Variants in CAPN8 observed in about 807,000 individuals in gnomAD.
CAPN8 encodes the protein calpain-8.
Under a neutral mutation model 80.9 loss-of-function variants are expected in CAPN8, and 87 were observed. That is an observed-to-expected ratio of 1.07 (90% CI 0.90 to 1.28). The LOEUF is 1.28. CAPN8 is among the 50% of genes most tolerant of loss of function. The pLI is 0.00. For synonymous variants in CAPN8, 299 were observed against 273.8 expected, an observed-to-expected ratio of 1.09 and a Z score of -0.91; for missense variants, 757 against 702.0, an observed-to-expected ratio of 1.08 and a Z score of -0.89.
chr1:223,650,814 A>G (rs1421407666), intron 2 of CAPN8, among the ~76,000 whole-genome samples: 2 of 152,200 alleles, frequency 1.3e-5, no homozygotes, highest in Non-Finnish European at 2.9e-5. Context: ...ATGACTTACT[A>G]TAAGGGGGTG....
intron 1 of CAPN8, among the ~76,000 whole-genome samples, chr1:223,662,173 C>G (rs768176096): frequency 6.6e-6 from 1 of 152,042 alleles, no homozygotes; most frequent in Non-Finnish European, 1.5e-5. Context: ...AAGGGCCAGG[C>G]GCAGTGGCTC....
chr1:223,624,343 G>C (rs1481539686), intron 6 of CAPN8, among the ~76,000 whole-genome samples: 1 of 152,184 alleles, frequency 6.6e-6, no homozygotes, highest in Admixed American at 6.6e-5. Context: ...CTCAATTATA[G>C]CACTGTCTTC....
chr1:223,618,964 TG>T (rs1657290893), intron 9 of CAPN8, among the ~76,000 whole-genome samples: 1 of 152,072 alleles, frequency 6.6e-6, no homozygotes, highest in Admixed American at 6.5e-5. Context: ...CCAAGGTGGG[TG>T]GATCACTTGA....
intron 9 of CAPN8, chr1:223,618,015 T>G: frequency 3.9e-6 from 2 of 508,526 alleles, no homozygotes; most frequent in Admixed American, 3.2e-5. Context: ...CCAGGTGGGG[T>G]TTTATTCTAA....
chr1:223,627,307 A>G, intron 4 of CAPN8, 150 bp from the exon 5 acceptor site: 1 of 842,400 alleles, frequency 1.2e-6, no homozygotes, highest in East Asian at 2.7e-5. Context: ...GAAGGTGCTT[A>G]GGCCACTGTT....
intron 6 of CAPN8, among the ~76,000 whole-genome samples, chr1:223,624,234 G>A (rs773686605): frequency 6.6e-6 from 1 of 152,154 alleles, no homozygotes; most frequent in African/African-American, 2.4e-5. Context: ...ACCCTACTAT[G>A]CCTGGCCTAT....
intron 14 of CAPN8, 112 bp downstream of exon 14, chr1:223,553,720 G>A (rs905346662): frequency 5.0e-5 from 20 of 398,006 alleles, no homozygotes; most frequent in Middle Eastern, 6.3e-4. Context: ...CCTGAGACCT[G>A]AGTCTCACCC....
intron 4 of CAPN8, 136 bp from the exon 5 acceptor site, chr1:223,627,293 C>T (rs2102713402): frequency 1.0e-6 from 1 of 977,048 alleles, no homozygotes; most frequent in East Asian, 2.6e-5. Context: ...TGCCTATGGG[C>T]CAGGAAGGTG....
At chr1:223,659,722 C>T (rs1658595028) in intron 1 of CAPN8, among the ~76,000 whole-genome samples, 1 of 152,158 alleles carries the variant, frequency 6.6e-6, no homozygotes, top group African/African-American at 2.4e-5. Flanking sequence ...GCTAGATTTC[C>T]TTATTCAAGC....
chr1:223,554,490 C>G (rs888909130), intron 13 of CAPN8, among the ~76,000 whole-genome samples: 12 of 152,050 alleles, frequency 7.9e-5, no homozygotes, highest in Non-Finnish European at 1.8e-4. Context: ...TGTAGTGGTG[C>G]ACGCCTGTAG....
intron 6 of CAPN8, among the ~76,000 whole-genome samples, chr1:223,625,288 A>G (rs1657534529): frequency 6.6e-6 from 1 of 152,020 alleles, no homozygotes; most frequent in Non-Finnish European, 1.5e-5. Flanking sequence ...TATTTTTTGG[A>G]AGATCTGTAG....
At chr1:223,639,133 G>C (rs192225732) in intron 2 of CAPN8, among the ~76,000 whole-genome samples, 1 of 152,094 alleles carries the variant, frequency 6.6e-6, no homozygotes, top group African/African-American at 2.4e-5. Context: ...TCAGCTACTC[G>C]GGAGGCTGAG....
Position 223,639,855 on chromosome 1 carries a change from A to AC in CAPN8, c.308-11076dup, listed in dbSNP as rs962223362. Reference sequence around the variant, plus strand: ...AAAGCTGAGGCCCTGAGTTCAAGTGACCCCCCAAGGCCAGGCAGTGTCAGA... The same window carrying AC: ...AAAGCTGAGGCCCTGAGTTCAAGTGACCCCCCCAAGGCCAGGCAGTGTCAGA... On this transcript the variant is annotated intron_variant, in intron 2 of 20. Coordinates refer to ENST00000366872, the MANE Select transcript of CAPN8 (RefSeq NM_001143962.2). Among the ~76,000 whole-genome samples, 8 of 152,146 alleles carry AC rather than the reference A, an allele frequency of 5.3e-5. 1 individual carries two copies. Among genetic ancestry groups the AC allele is most frequent in the Non-Finnish European group, 1.2e-4 (8 of 68,028 alleles).
intron 2 of CAPN8, among the ~76,000 whole-genome samples, chr1:223,630,804 G>A (rs536026931): frequency 1.0e-3 from 159 of 152,244 alleles, no homozygotes; most frequent in Non-Finnish European, 1.5e-3. Flanking sequence ...TGGATGGGCT[G>A]GCATGAGTTA....
At chr1:223,658,676 T>A (rs1341222896) in intron 1 of CAPN8, among the ~76,000 whole-genome samples, 1 of 152,106 alleles carries the variant, frequency 6.6e-6, no homozygotes, top group Non-Finnish European at 1.5e-5. Context: ...CATGGTGGTG[T>A]GCACCTGTAA....
intron 9 of CAPN8, among the ~76,000 whole-genome samples, chr1:223,618,455 T>C (rs35164209): frequency 0.19 from 29,085 of 152,212 alleles, 2,883 homozygotes; most frequent in Middle Eastern, 0.26. Context: ...CCACGCTGTC[T>C]TTGCCCCTCC....
At chr1:223,553,452 G>A (rs1411447632) in intron 14 of CAPN8, among the ~76,000 whole-genome samples, 12 of 152,130 alleles carry the variant, frequency 7.9e-5, no homozygotes, top group Non-Finnish European at 1.2e-4. Context: ...CTTCCACTGC[G>A]GCTGGGCAAT....
intron 10 of CAPN8, among the ~76,000 whole-genome samples, chr1:223,613,589 G>C (rs1657090912): frequency 6.6e-6 from 1 of 152,220 alleles, no homozygotes; most frequent in African/African-American, 2.4e-5. Flanking sequence ...ACTGCCCATG[G>C]GTGGATGGAA....
At chr1:223,626,481 C>T (rs1025343769) in intron 5 of CAPN8, among the ~76,000 whole-genome samples, 2 of 152,180 alleles carry the variant, frequency 1.3e-5, no homozygotes. Flanking sequence ...GTGACAGGAC[C>T]TCAGGGCTGG....
Sources: gnomAD v4.1 joint callset for allele counts (sites outside exome capture counted in the v4.1 genomes callset) on GRCh38, gnomAD v4.1.1 for gene constraint, MANE v1.5 for transcripts, NCBI Gene and HGNC (gene_info 2026-07-23, HGNC 2026-07-21) for gene names.